PHKB: variants seen among roughly 807,000 people sequenced by gnomAD.
PHKB encodes phosphorylase b kinase regulatory subunit beta.
In PHKB, 122 loss-of-function variants were observed where a neutral mutation model predicts 152.1. The observed-to-expected ratio is 0.80, with a 90% confidence interval of 0.69 to 0.93. The LOEUF is 0.93. Among genes scored for constraint, PHKB ranks in the 40% least tolerant of loss-of-function variants. The pLI is 0.00. For missense variants in PHKB, 1,304 were observed against 1,328.4 expected, an observed-to-expected ratio of 0.98 and a Z score of 0.29; for synonymous variants, 436 against 464.9, an observed-to-expected ratio of 0.94 and a Z score of 0.80.
chr16:47,558,135 C>G (rs900401401), intron 7 of PHKB, among the ~76,000 whole-genome samples: 11 of 148,038 alleles, frequency 7.4e-5, no homozygotes, highest in African/African-American at 2.5e-4. Context: ...ATCGCAAGGA[C>G]AAAAAACCAA....
intron 13 of PHKB, among the ~76,000 whole-genome samples, chr16:47,607,452 G>T (rs1432222818): frequency 6.6e-6 from 1 of 152,056 alleles, no homozygotes; most frequent in Non-Finnish European, 1.5e-5. Flanking sequence ...TTTGTGTCTG[G>T]CTTCTTTCAC....
intron 1 of PHKB, among the ~76,000 whole-genome samples, chr16:47,478,777 C>G (rs1178683524): frequency 6.6e-6 from 1 of 151,972 alleles, no homozygotes; most frequent in Non-Finnish European, 1.5e-5. Flanking sequence ...CCTTTTTGAG[C>G]TCTTTGGTTA....
At position 47,700,931 on chromosome 16, in the gene PHKB, A is replaced by G. The variant is rs1198435131; in HGVS notation, c.*1565A>G. The stretch of plus-strand genomic sequence containing the variant: ...TTGAGGTACAGTGCCGAGATCTTGC[A>G]TAAGAAATTGTATGGATATTAGTTG... On this transcript the variant is annotated 3_prime_UTR_variant, in exon 31 of 31. Coordinates refer to ENST00000323584, the MANE Select transcript of PHKB (RefSeq NM_000293.3). The G allele has an allele frequency of 6.6e-6, 1 of 152,224 alleles. No homozygotes were observed. Among genetic ancestry groups the G allele is most frequent in the Admixed American group, 6.5e-5 (1 of 15,284 alleles). The allele number at this position is 152,224 out of a possible 1,614,324, so 9.4% of individuals were successfully genotyped here.
chr16:47,527,107 G>C lies in PHKB; in HGVS notation c.594+11506G>C, dbSNP rs555182343. ...GTGCTAAACCATTTATAAGAAATCT[G>C]CCTCCGTGAGTTACTCGCCTCTAAC... On this transcript the variant is annotated intron_variant, in intron 6 of 30. Transcript: ENST00000323584. Among the ~76,000 whole-genome samples, 5 of 152,178 alleles carry C rather than the reference G, an allele frequency of 3.3e-5. No individual in the cohort carries two copies. In the South Asian group the frequency reaches 1.0e-3, roughly 32 times the overall value.
chr16:47,475,039 G>A (rs1430195484), intron 1 of PHKB, among the ~76,000 whole-genome samples: 8 of 152,114 alleles, frequency 5.3e-5, no homozygotes, highest in Non-Finnish European at 1.2e-4. Flanking sequence ...CTTTCATGGG[G>A]TTTTCTGCTT....
intron 20 of PHKB, among the ~76,000 whole-genome samples, chr16:47,658,474 T>A (rs1266042920): frequency 6.6e-6 from 1 of 152,018 alleles, no homozygotes; most frequent in Non-Finnish European, 1.5e-5. Context: ...TATTAATATA[T>A]ATTATAATAA....
At chr16:47,566,731 TC>T (rs1035607180) in intron 7 of PHKB, 2 of 765,350 alleles carry the variant, frequency 2.6e-6, no homozygotes, top group African/African-American at 3.4e-5. Context: ...TCATTACTGT[TC>T]CAAGTTGTTG....
intron 14 of PHKB, among the ~76,000 whole-genome samples, chr16:47,614,021 T>G (rs1972473764): frequency 6.6e-6 from 1 of 152,136 alleles, no homozygotes; most frequent in African/African-American, 2.4e-5. Flanking sequence ...AATTGGCTCA[T>G]GGTAATTTGT....
At chr16:47,471,294 G>A (rs1969762797) in intron 1 of PHKB, among the ~76,000 whole-genome samples, 1 of 152,178 alleles carries the variant, frequency 6.6e-6, no homozygotes, top group African/African-American at 2.4e-5. Flanking sequence ...ACAGGAATGG[G>A]TGAGAGGAAG....
At chr16:47,509,917 C>T (rs940463684) in intron 4 of PHKB, among the ~76,000 whole-genome samples, 2 of 152,210 alleles carry the variant, frequency 1.3e-5, no homozygotes, top group African/African-American at 4.8e-5. Flanking sequence ...CCCCCGGCTT[C>T]CGACACCAAT....
chr16:47,462,124 C>T (rs1969575135), intron 1 of PHKB: 2 of 152,228 alleles, frequency 1.3e-5, no homozygotes, highest in African/African-American at 2.4e-5. Context: ...ATTGCAACGT[C>T]ATGACTTGTG....
At chr16:47,613,931 G>T (rs939855590) in intron 14 of PHKB, among the ~76,000 whole-genome samples, 1 of 152,112 alleles carries the variant, frequency 6.6e-6, no homozygotes, top group African/African-American at 2.4e-5. Flanking sequence ...GTTGTTGCAT[G>T]TATCAACAGT....
intron 5 of PHKB, among the ~76,000 whole-genome samples, chr16:47,515,172 T>A (rs1213518225): frequency 6.6e-6 from 1 of 152,228 alleles, no homozygotes. Context: ...GACCCAAAGC[T>A]TGAAAATAAA....
At chr16:47,516,168 C>T (rs983569026) in intron 6 of PHKB, among the ~76,000 whole-genome samples, 12 of 152,072 alleles carry the variant, frequency 7.9e-5, no homozygotes, top group East Asian at 1.9e-4. Context: ...CCTTGTGATC[C>T]GCCCACCTCG....
intron 14 of PHKB, among the ~76,000 whole-genome samples, chr16:47,613,115 GTA>G (rs1185640849): frequency 6.6e-6 from 1 of 152,148 alleles, no homozygotes; most frequent in Non-Finnish European, 1.5e-5. Flanking sequence ...CCGAAAGAAG[GTA>G]TGTCAGGGAT....
intron 26 of PHKB, among the ~76,000 whole-genome samples, chr16:47,688,309 A>C (rs184821243): frequency 1.4e-3 from 213 of 152,282 alleles, no homozygotes; most frequent in Non-Finnish European, 2.0e-3. Context: ...TTTGGTTTTC[A>C]TAACTAGTTT....
intron 1 of PHKB, among the ~76,000 whole-genome samples, chr16:47,478,537 G>C (rs1969909746): frequency 7.2e-6 from 1 of 139,768 alleles, no homozygotes; most frequent in Non-Finnish European, 1.5e-5. Flanking sequence ...TTAAATCCTA[G>C]GTCTTCCACT....
rs978908241 is a variant in PHKB at position 47,648,394 on chromosome 16, T to A, written c.1609-139T>A. On this transcript the variant is annotated intron_variant, in intron 16 of 30. Transcript: ENST00000323584. ...TAAGTTGACATCTTTGGTTAGCTTG[T>A]CTTCCTACAAGTTTTTGGATTAGGG... 53 of 709,376 alleles carry A rather than the reference T, an allele frequency of 7.5e-5. 1 individual carries two copies. The highest frequency in any genetic ancestry group is 6.1e-4 in the Admixed American group (32 of 52,108). 43.9% of individuals were successfully genotyped at this position (709,376 alleles called of 1,614,324 possible).
intron 6 of PHKB, among the ~76,000 whole-genome samples, chr16:47,541,399 A>T (rs183510504): frequency 9.9e-5 from 15 of 152,284 alleles, no homozygotes; most frequent in South Asian, 4.1e-4. Flanking sequence ...TCTATCATTG[A>T]TGGACATTTG....
Sources: gnomAD v4.1 joint callset for allele counts (sites outside exome capture counted in the v4.1 genomes callset) on GRCh38, gnomAD v4.1.1 for gene constraint, MANE v1.5 for transcripts, NCBI Gene and HGNC (gene_info 2026-07-23, HGNC 2026-07-21) for gene names.